The following DIAPH3 variants were observed in gnomAD, a reference collection of about 807,000 sequenced individuals.
The protein encoded by DIAPH3 is diaphanous related formin 3.
DIAPH3 carries 117 observed loss-of-function variants against 144.3 expected under a neutral mutation model. The observed-to-expected ratio is 0.81, with a 90% confidence interval of 0.70 to 0.95. DIAPH3 has a LOEUF of 0.95. Among genes scored for constraint, DIAPH3 ranks in the 40% least tolerant of loss-of-function variants. The probability of loss-of-function intolerance (pLI) is 0.00; values close to 1 mark genes in which losing one functional copy is unlikely to be tolerated. For missense variants in DIAPH3, 1,421 were observed against 1,412.7 expected (o/e 1.01, Z -0.09); for synonymous variants, 519 against 488.9 (o/e 1.06, Z -0.81).
intron 27 of DIAPH3, among the ~76,000 whole-genome samples, chr13:59,674,549 C>T (rs1320354680): frequency 1.3e-5 from 2 of 152,200 alleles, no homozygotes; most frequent in Non-Finnish European, 2.9e-5. Context: ...CTCACAGTTA[C>T]ATCTTTGGCC....
rs1416464931 is a variant in DIAPH3 at position 60,042,758 on chromosome 13, C to A, written c.558G>T (p.Gly186=). The A allele has an allele frequency of 5.0e-6, 8 of 1,613,720 alleles. No homozygotes were observed. Among genetic ancestry groups the A allele is most frequent in the Non-Finnish European group, 5.9e-6 (7 of 1,179,788 alleles). ...PQEFIHELKM[G]SADERLVTCL... Reference sequence around the variant, plus strand: ...ATGTGACAAGTCTCTCATCTGCAGACCCCATTTTCAGCTCATGAATGAATT... The same window carrying A: ...ATGTGACAAGTCTCTCATCTGCAGAACCCATTTTCAGCTCATGAATGAATT... Residue 186 remains glycine (G), a synonymous_variant, in exon 5 of 28, where the codon GGG becomes GGT. Coordinates refer to ENST00000400324, the MANE Select transcript of DIAPH3 (RefSeq NM_001042517.2).
At chr13:59,944,187 C>T (rs2048686266) in intron 17 of DIAPH3, among the ~76,000 whole-genome samples, 1 of 151,742 alleles carries the variant, frequency 6.6e-6, no homozygotes, top group Non-Finnish European at 1.5e-5. Context: ...GCACTCCAGC[C>T]TGGGTGACTG....
At chr13:59,799,836 G>C (rs1398544019) in intron 25 of DIAPH3, among the ~76,000 whole-genome samples, 1 of 152,088 alleles carries the variant, frequency 6.6e-6, no homozygotes, top group Non-Finnish European at 1.5e-5. Flanking sequence ...GAGAAATAAT[G>C]GCATGTTTGA....
intron 25 of DIAPH3, among the ~76,000 whole-genome samples, chr13:59,778,340 C>T (rs2038534890): frequency 6.6e-6 from 1 of 152,174 alleles, no homozygotes; most frequent in Non-Finnish European, 1.5e-5. Flanking sequence ...AAACCACGAG[C>T]CCACTGAGGG....
At chr13:60,003,241 C>T (rs982678174) in intron 9 of DIAPH3, among the ~76,000 whole-genome samples, 2 of 152,062 alleles carry the variant, frequency 1.3e-5, no homozygotes, top group African/African-American at 4.8e-5. Flanking sequence ...ACAGACCACC[C>T]ACATGATTCC....
intron 27 of DIAPH3, 74 bp from the exon 28 acceptor site, chr13:59,666,920 TTAAAATAA>T: frequency 6.6e-7 from 1 of 1,522,376 alleles, no homozygotes; most frequent in Non-Finnish European, 9.1e-7. Context: ...TGAAACACAT[TTAAAATAA>T]TTATTCTCAA....
rs578254578 is a variant in DIAPH3, at chr13:59,709,741, C to T, written c.3320-42895G>A. ...ACCATTTGACCCAGCCATCCCATTACTGGGTATATACCCAAAGGACTATAA... is the reference window on the plus strand; with the variant it reads ...ACCATTTGACCCAGCCATCCCATTATTGGGTATATACCCAAAGGACTATAA... On this transcript the variant is annotated intron_variant, in intron 27 of 27. Transcript: ENST00000400324. 2.2e-4 allele frequency among the ~76,000 whole-genome samples: 34 copies of T among 152,286 alleles called. No homozygotes were observed. The East Asian group carries it at 6.6e-3, about 29-fold the overall frequency.
intron 13 of DIAPH3, among the ~76,000 whole-genome samples, chr13:59,981,200 C>A (rs918671133): frequency 1.3e-5 from 2 of 150,772 alleles, no homozygotes; most frequent in African/African-American, 4.9e-5. Flanking sequence ...TTAAAAAAAA[C>A]AGCCAACAGT....
At chr13:59,850,668 G>A (rs2042912460) in intron 22 of DIAPH3, among the ~76,000 whole-genome samples, 2 of 152,016 alleles carry the variant, frequency 1.3e-5, no homozygotes, top group Non-Finnish European at 2.9e-5. Flanking sequence ...CAGGGATGAA[G>A]CCCACTTGAT....
At chr13:59,717,389 A>G (rs747760413) in intron 27 of DIAPH3, among the ~76,000 whole-genome samples, 61 of 152,142 alleles carry the variant, frequency 4.0e-4, no homozygotes, top group South Asian at 2.1e-4. Flanking sequence ...AGTCACCTTC[A>G]GTGCCATCCA....
Position 59,666,364 on chromosome 13 carries a change from A to G in DIAPH3, c.*220T>C. On this transcript the variant is annotated 3_prime_UTR_variant, in exon 28 of 28. Transcript: ENST00000400324. ...CTGAGGAATACCAGGAGACAAAAAAAAAAAAAAAAGGATTAAAGCCCGGTA... is the reference window on the plus strand; with the variant it reads ...CTGAGGAATACCAGGAGACAAAAAAGAAAAAAAAAGGATTAAAGCCCGGTA... 2.3e-6 allele frequency: 1 copy of G among 428,402 alleles called. No homozygotes were observed. Among genetic ancestry groups the G allele is most frequent in the Non-Finnish European group, 4.0e-6 (1 of 251,544 alleles). The allele number at this position is 428,402 out of a possible 1,614,324, so 26.5% of individuals were successfully genotyped here.
At chr13:59,952,584 G>A (rs2049158418) in intron 17 of DIAPH3, among the ~76,000 whole-genome samples, 1 of 152,026 alleles carries the variant, frequency 6.6e-6, no homozygotes, top group South Asian at 2.1e-4. Context: ...GGAAAAAAAA[G>A]GTGAATCATT....
At chr13:59,817,700 T>C (rs2040851166) in intron 24 of DIAPH3, among the ~76,000 whole-genome samples, 1 of 151,966 alleles carries the variant, frequency 6.6e-6, no homozygotes, top group African/African-American at 2.4e-5. Flanking sequence ...TTATTTTTCC[T>C]GATTTTTTTT....
intron 20 of DIAPH3, among the ~76,000 whole-genome samples, chr13:59,904,088 G>A (rs1263844612): frequency 1.3e-5 from 2 of 152,140 alleles, no homozygotes; most frequent in Non-Finnish European, 1.5e-5. Flanking sequence ...GCTCCCCAAA[G>A]AGGCTTCCTC....
chr13:59,742,796 G>A (rs76912543), intron 27 of DIAPH3, among the ~76,000 whole-genome samples: 5,519 of 152,182 alleles, frequency 0.036, 347 homozygotes, highest in African/African-American at 0.13. Flanking sequence ...GCTTATATTT[G>A]ATGTTGATAT....
At chr13:60,010,784 G>A in intron 7 of DIAPH3, 115 bp from the exon 8 acceptor site, 1 of 1,036,300 alleles carries the variant, frequency 9.6e-7, no homozygotes, top group Non-Finnish European at 1.4e-6. Context: ...ACTTACTAAA[G>A]CTAAAAAATA....
chr13:59,801,293 G>A (rs976516914), intron 25 of DIAPH3, among the ~76,000 whole-genome samples: 2 of 152,134 alleles, frequency 1.3e-5, no homozygotes, highest in Non-Finnish European at 2.9e-5. Context: ...GTTAAAAAGA[G>A]GAACTGTCAC....
intron 2 of DIAPH3, among the ~76,000 whole-genome samples, chr13:60,115,096 GAA>G (rs1441427264): frequency 3.9e-5 from 6 of 152,066 alleles, no homozygotes; most frequent in Admixed American, 1.3e-4. Context: ...TCATAAGAAA[GAA>G]AAAATACATT....
At chr13:60,098,683 C>T (rs932501083) in intron 3 of DIAPH3, among the ~76,000 whole-genome samples, 7 of 152,028 alleles carry the variant, frequency 4.6e-5, no homozygotes, top group African/African-American at 1.7e-4. Flanking sequence ...TGTGTATTAA[C>T]TCCTCCTTCC....
Sources: allele counts gnomAD v4.1 joint callset (sites outside exome capture counted in the v4.1 genomes callset), GRCh38; gene constraint gnomAD v4.1.1; transcripts MANE v1.5; gene names NCBI Gene and HGNC (gene_info 2026-07-23, HGNC 2026-07-21).